Variants in BMP8A observed in about 807,000 individuals in gnomAD.
BMP8A encodes BMP-8A.
BMP8A carries 14 observed loss-of-function variants against 36.8 expected under a neutral mutation model. The observed-to-expected ratio is 0.38, with a 90% CI of 0.25 to 0.60. The LOEUF is 0.60. BMP8A is among the 20% of genes least tolerant of loss of function. BMP8A has a pLI of 0.63. For synonymous variants in BMP8A, 120 were observed against 237.7 expected, an observed-to-expected ratio of 0.50 and a Z score of 4.55; for missense variants, 267 against 551.1, an observed-to-expected ratio of 0.48 and a Z score of 5.16.
chr1:39,523,601 G>C (rs1465020124), intron 6 of BMP8A: 24 of 1,428,740 alleles, frequency 1.7e-5, no homozygotes, highest in Non-Finnish European at 2.1e-5. Flanking sequence ...AGATGGTGTG[G>C]CTCTCAACCT....
rs562377826 is a variant in BMP8A at position 39,497,718 on chromosome 1, A to ACAGGAC, written c.334+5396_334+5401dup. Among the ~76,000 whole-genome samples the ACAGGAC allele has an allele frequency of 2.8e-3, 431 of 152,246 alleles. 2 individuals are homozygous for ACAGGAC. The highest frequency in any genetic ancestry group is 0.01 in the African/African-American group (421 of 41,508). ...CCAGCAACCCCTGAACAACCTGAGA[A>ACAGGAC]CAGGACCAATTCTGACTCTTCCCTG... On this transcript the variant is annotated intron_variant, in intron 1 of 6. Coordinates refer to ENST00000331593, the MANE Select transcript of BMP8A (RefSeq NM_181809.4).
intron 1 of BMP8A, among the ~76,000 whole-genome samples, chr1:39,508,222 G>T (rs1406534703): frequency 6.7e-6 from 1 of 149,288 alleles, no homozygotes; most frequent in Non-Finnish European, 1.5e-5. Flanking sequence ...CTGCACTGCA[G>T]CCTGGGAGAC....
chr1:39,509,511 A>T (rs1039411770), intron 1 of BMP8A, among the ~76,000 whole-genome samples: 2 of 152,158 alleles, frequency 1.3e-5, no homozygotes, highest in African/African-American at 4.8e-5. Flanking sequence ...CTTTTGCTGC[A>T]TGCCCAGCAC....
chr1:39,502,368 G>A (rs1319328619), intron 1 of BMP8A, among the ~76,000 whole-genome samples: 2 of 152,012 alleles, frequency 1.3e-5, no homozygotes, highest in Non-Finnish European at 2.9e-5. Flanking sequence ...ACACATTAAT[G>A]TACACACATA....
At chr1:39,502,833 C>T (rs1645264294) in intron 1 of BMP8A, among the ~76,000 whole-genome samples, 1 of 152,248 alleles carries the variant, frequency 6.6e-6, no homozygotes, top group Non-Finnish European at 1.5e-5. Flanking sequence ...CACCTGAGGT[C>T]AGGAGTTCGA....
chr1:39,492,392 C>T (rs1404982879), intron 1 of BMP8A, 67 bp downstream of exon 1: 10 of 1,409,490 alleles, frequency 7.1e-6, no homozygotes, highest in Middle Eastern at 2.4e-4. Flanking sequence ...CGCGCATCCG[C>T]GGGCGGTGCC....
In BMP8A at chr1:39,509,527, G is replaced by A. The variant is rs890884094; in HGVS notation, c.335-1647G>A. Among the ~76,000 whole-genome samples the A allele has an allele frequency of 3.4e-4, 52 of 152,292 alleles. 1 individual carries two copies. The highest frequency in any genetic ancestry group is 3.4e-3 in the Middle Eastern group (1 of 294). ...TTTTGCTGCATGCCCAGCACCCTCA[G>A]GTGCTGTGGGACAAGACAAGTTCAT... is the stretch of plus-strand genomic sequence containing the variant. On this transcript the variant is annotated intron_variant, in intron 1 of 6. Coordinates refer to ENST00000331593, the MANE Select transcript of BMP8A (RefSeq NM_181809.4).
chr1:39,499,361 C>T (rs1645233780), intron 1 of BMP8A, among the ~76,000 whole-genome samples: 1 of 151,802 alleles, frequency 6.6e-6, no homozygotes, highest in South Asian at 2.1e-4. Context: ...CCTGTGGGCC[C>T]TTCGGGGCCG....
At chr1:39,502,714 GAATAAAATAA>G (rs1645263499) in intron 1 of BMP8A, among the ~76,000 whole-genome samples, 1 of 152,198 alleles carries the variant, frequency 6.6e-6, no homozygotes, top group Non-Finnish European at 1.5e-5. Flanking sequence ...ATAGCCCATA[GAATAAAATAA>G]ATACCCTTGA....
intron 3 of BMP8A, chr1:39,515,417 C>T: frequency 1.2e-6 from 1 of 800,044 alleles, no homozygotes; most frequent in Non-Finnish European, 1.9e-6. Context: ...GGGTGCCCGC[C>T]TTCTACACCC....
intron 1 of BMP8A, among the ~76,000 whole-genome samples, chr1:39,499,944 T>G (rs1645239561): frequency 6.6e-6 from 1 of 152,196 alleles, no homozygotes; most frequent in African/African-American, 2.4e-5. Context: ...GTCACAATAT[T>G]GGTTGGCAGC....
At chr1:39,505,301 G>T (rs933188127) in intron 1 of BMP8A, among the ~76,000 whole-genome samples, 1 of 152,158 alleles carries the variant, frequency 6.6e-6, no homozygotes, top group East Asian at 1.9e-4. Flanking sequence ...ACAGTGCATT[G>T]TGTCCCTGGG....
chr1:39,502,888 A>G (rs536873149), intron 1 of BMP8A, among the ~76,000 whole-genome samples: 1 of 152,294 alleles, frequency 6.6e-6, no homozygotes, highest in South Asian at 2.1e-4. Context: ...TACTGAAAAA[A>G]GTACAAAATT....
chr1:39,514,777 C>T (rs1031611329), intron 3 of BMP8A, among the ~76,000 whole-genome samples: 2 of 152,206 alleles, frequency 1.3e-5, no homozygotes, highest in South Asian at 2.1e-4. Context: ...CAGCCCAGGG[C>T]GGAGCCGGCC....
intron 6 of BMP8A, 48 bp downstream of exon 6, chr1:39,523,165 G>T (rs377596697): frequency 1.9e-6 from 3 of 1,598,390 alleles, no homozygotes; most frequent in South Asian, 2.2e-5. Context: ...GGGAGGCCCT[G>T]CAGAGAGGGG....
At chr1:39,505,321 C>CT (rs2124338839) in intron 1 of BMP8A, among the ~76,000 whole-genome samples, 1 of 152,296 alleles carries the variant, frequency 6.6e-6, no homozygotes, top group South Asian at 2.1e-4. Context: ...GTACTCAAGA[C>CT]TGGAGAATGG....
intron 1 of BMP8A, among the ~76,000 whole-genome samples, chr1:39,502,570 G>A (rs929843882): frequency 2.0e-5 from 3 of 152,200 alleles, no homozygotes; most frequent in Non-Finnish European, 2.9e-5. Flanking sequence ...AGAGCATCTT[G>A]TGGTGCCAGT....
chr1:39,508,413 G>A (rs1041104254), intron 1 of BMP8A, among the ~76,000 whole-genome samples: 1 of 152,184 alleles, frequency 6.6e-6, no homozygotes, highest in Admixed American at 6.5e-5. Context: ...AGCCATGGCC[G>A]CCACTCCTAT....
intron 1 of BMP8A, among the ~76,000 whole-genome samples, chr1:39,507,202 C>T (rs11206218): frequency 0.09 from 13,740 of 152,230 alleles, 1,192 homozygotes; most frequent in East Asian, 0.33. Flanking sequence ...GGACACTGGC[C>T]GGACAGAGAG....
Sources: allele counts gnomAD v4.1 joint callset (sites outside exome capture counted in the v4.1 genomes callset), GRCh38; gene constraint gnomAD v4.1.1; transcripts MANE v1.5; gene names NCBI Gene and HGNC (gene_info 2026-07-23, HGNC 2026-07-21).